Variants in DYM observed in about 807,000 individuals in gnomAD.
DYM encodes dyggve-Melchior-Clausen syndrome protein.
Under a neutral mutation model 93.1 loss-of-function variants are expected in DYM, and 78 were observed. The ratio of observed to expected loss-of-function variants is 0.84; its 90% CI spans 0.70 to 1.01. The LOEUF is 1.01. DYM is among the 50% of genes least tolerant of loss of function. DYM has a pLI of 0.00. For synonymous variants in DYM, 321 were observed against 319.7 expected (o/e 1.00, Z -0.04); for missense variants, 789 against 845.0 (o/e 0.93, Z 0.82).
intron 6 of DYM, among the ~76,000 whole-genome samples, chr18:49,341,987 T>C (rs2064197408): frequency 6.6e-6 from 1 of 152,218 alleles, no homozygotes; most frequent in South Asian, 2.1e-4. Context: ...GCACCATTTG[T>C]TATCATACAG....
chr18:49,217,134 A>T (rs1234638180), intron 13 of DYM, among the ~76,000 whole-genome samples: 1 of 152,254 alleles, frequency 6.6e-6, no homozygotes, highest in Admixed American at 6.5e-5. Flanking sequence ...CAATGCGATC[A>T]ACTGGAAGAA....
intron 15 of DYM, among the ~76,000 whole-genome samples, chr18:49,147,953 A>T (rs1188742608): frequency 1.3e-5 from 2 of 152,242 alleles, no homozygotes; most frequent in African/African-American, 2.4e-5. Flanking sequence ...CAAATGTCCA[A>T]CAATGATAGA....
intron 13 of DYM, among the ~76,000 whole-genome samples, chr18:49,230,105 C>CAT (rs2093651937): frequency 6.6e-6 from 1 of 152,108 alleles, no homozygotes; most frequent in East Asian, 1.9e-4. Flanking sequence ...GGGAGATGAA[C>CAT]ATATTATCTT....
In DYM at chr18:49,245,273, C is replaced by T. The variant is rs150377585; in HGVS notation, c.1460+11737G>A. 3.7e-3 allele frequency among the ~76,000 whole-genome samples: 556 copies of T among 152,214 alleles called. 1 individual carries two copies. The highest frequency in any genetic ancestry group is 6.4e-3 in the Non-Finnish European group (434 of 68,024). On this transcript the variant is annotated intron_variant, in intron 13 of 17. Coordinates refer to ENST00000675505, the MANE Select transcript of DYM (RefSeq NM_001353214.3). ...ATTTGAACAGTATGAAATCAGTGCA[C>T]CCTGAAAAAGAACAGAATAACAGCG...
At chr18:49,365,068 A>G (rs1160512774) in intron 5 of DYM, among the ~76,000 whole-genome samples, 2 of 152,176 alleles carry the variant, frequency 1.3e-5, no homozygotes, top group Non-Finnish European at 1.5e-5. Context: ...TGCACATAGT[A>G]TGTACTCAAT....
chr18:49,314,322 C>A (rs904915812), intron 8 of DYM, among the ~76,000 whole-genome samples: 1 of 152,166 alleles, frequency 6.6e-6, no homozygotes, highest in Non-Finnish European at 1.5e-5. Flanking sequence ...AGCTGTAGGT[C>A]CTTCAGCTGT....
intron 15 of DYM, among the ~76,000 whole-genome samples, chr18:49,125,573 G>A (rs538976580): frequency 4.6e-5 from 7 of 152,248 alleles, no homozygotes; most frequent in South Asian, 4.2e-4. Context: ...GAATTTCTAC[G>A]TGCATTACTT....
At chr18:49,233,854 C>T (rs1046702991) in intron 13 of DYM, among the ~76,000 whole-genome samples, 5 of 151,990 alleles carry the variant, frequency 3.3e-5, no homozygotes, top group East Asian at 1.9e-4. Context: ...TGGCCGGGCG[C>T]GGTGGCTCAC....
chr18:49,432,650 G>A (rs575119942), intron 1 of DYM, among the ~76,000 whole-genome samples: 1 of 138,864 alleles, frequency 7.2e-6, no homozygotes, highest in East Asian at 2.2e-4. Flanking sequence ...CTGTTGCTGA[G>A]TACAATGCTG....
At chr18:49,280,586 A>G (rs567413714) in intron 10 of DYM, among the ~76,000 whole-genome samples, 4 of 152,284 alleles carry the variant, frequency 2.6e-5, no homozygotes, top group East Asian at 1.9e-4. Context: ...GTTAAAGACT[A>G]TAAGGACAGG....
rs2060228590 is a variant in DYM at position 49,292,612 on chromosome 18, A to AAAACAAAAC, written c.764-5997_764-5996insGTTTTGTTT. The stretch of plus-strand genomic sequence containing the variant: ...TGTTGGAAAAAAAAAAAAAAAAAAA[A>AAAACAAAAC]AAAAAAAAAAAAACCCCCACAAAAA... On this transcript the variant is annotated intron_variant, in intron 8 of 17. Transcript: ENST00000675505. Among the ~76,000 whole-genome samples the AAAACAAAAC allele has an allele frequency of 6.9e-5, 7 of 100,780 alleles. No homozygotes were observed. In the South Asian group the frequency reaches 2.3e-3, roughly 33 times the overall value. The allele number at this position is 100,780 out of a possible 152,430, so 66.1% of individuals were successfully genotyped here. A position where few individuals can be genotyped will look rare whatever the true frequency, so the allele number is the denominator to read the frequency against.
chr18:49,113,457 CATCT>C (rs1013595444), intron 16 of DYM, among the ~76,000 whole-genome samples: 3 of 152,192 alleles, frequency 2.0e-5, no homozygotes, highest in African/African-American at 7.2e-5. Context: ...ACTTGAAAAA[CATCT>C]ATCTAATTCC....
intron 1 of DYM, among the ~76,000 whole-genome samples, chr18:49,433,054 C>T (rs1266037041): frequency 6.6e-6 from 1 of 152,138 alleles, no homozygotes; most frequent in Non-Finnish European, 1.5e-5. Flanking sequence ...CATGAGGGAA[C>T]AAGCCAAGAA....
At position 49,080,790 on chromosome 18, in the gene DYM, G is replaced by A. The variant is rs555476971; in HGVS notation, c.2025+16612C>T. Among the ~76,000 whole-genome samples, 1,296 of 149,806 alleles carry A rather than the reference G, an allele frequency of 8.7e-3. 21 individuals carry two copies. Among genetic ancestry groups the A allele is most frequent in the African/African-American group, 0.03 (1,227 of 40,474 alleles). ...GGGCTCCTCACTTCTCAGACGGGGCGGATGCCGGGCGGAGGGTCTCCTCAC... is the reference window on the plus strand; with the variant it reads ...GGGCTCCTCACTTCTCAGACGGGGCAGATGCCGGGCGGAGGGTCTCCTCAC... On this transcript the variant is annotated intron_variant, in intron 17 of 17. Transcript: ENST00000675505.
At chr18:49,124,645 C>A (rs1255916490) in intron 15 of DYM, among the ~76,000 whole-genome samples, 3 of 152,116 alleles carry the variant, frequency 2.0e-5, no homozygotes, top group Admixed American at 1.3e-4. Context: ...TTTTACCAAA[C>A]TTCTCTTACA....
chr18:49,412,926 A>G (rs1343241913), intron 2 of DYM: 1 of 152,188 alleles, frequency 6.6e-6, no homozygotes, highest in African/African-American at 2.4e-5. Flanking sequence ...GAGAGAAGAT[A>G]CACTCTACTC....
At chr18:49,130,453 G>A (rs1439675237) in intron 15 of DYM, among the ~76,000 whole-genome samples, 1 of 152,212 alleles carries the variant, frequency 6.6e-6, no homozygotes, top group Non-Finnish European at 1.5e-5. Context: ...AGTAGAAAAT[G>A]AGACACCTGA....
chr18:49,322,132 T>C (rs2062529173), intron 8 of DYM, among the ~76,000 whole-genome samples: 1 of 152,128 alleles, frequency 6.6e-6, no homozygotes, highest in African/African-American at 2.4e-5. Context: ...AATTTCTCTA[T>C]CATAGCATTT....
chr18:49,405,510 T>A (rs1011054684), intron 2 of DYM, among the ~76,000 whole-genome samples: 1 of 152,260 alleles, frequency 6.6e-6, no homozygotes, highest in Non-Finnish European at 1.5e-5. Flanking sequence ...CTTTTCCTTA[T>A]GATTTTTGTC....
Sources: gnomAD v4.1 joint callset for allele counts (sites outside exome capture counted in the v4.1 genomes callset) on GRCh38, gnomAD v4.1.1 for gene constraint, MANE v1.5 for transcripts, NCBI Gene and HGNC (gene_info 2026-07-23, HGNC 2026-07-21) for gene names.